GALK2: variants seen among roughly 807,000 people sequenced by gnomAD.
GALK2 encodes N-acetylgalactosamine kinase.
GALK2 carries 36 observed loss-of-function variants against 52.4 expected under a neutral mutation model. The observed-to-expected ratio is 0.69, with a 90% CI of 0.53 to 0.91. The LOEUF is 0.91. GALK2 is among the 40% of genes least tolerant of loss of function. GALK2 has a pLI of 0.00. For missense variants in GALK2, 579 were observed against 559.1 expected (o/e 1.04, Z -0.36); for synonymous variants, 176 against 199.1 (o/e 0.88, Z 0.98).
At chr15:49,279,835 A>G (rs2032436451) in intron 5 of GALK2, among the ~76,000 whole-genome samples, 1 of 152,128 alleles carries the variant, frequency 6.6e-6, no homozygotes, top group Non-Finnish European at 1.5e-5. Flanking sequence ...TTTGGTTACT[A>G]ATTTATTTTT....
intron 1 of GALK2, chr15:49,185,572 A>C (rs541252497): frequency 6.6e-6 from 1 of 152,280 alleles, no homozygotes; most frequent in East Asian, 1.9e-4. Flanking sequence ...GCTAATTTAC[A>C]TTTCCATCAA....
chr15:49,183,431 A>C (rs2086118135), intron 1 of GALK2, among the ~76,000 whole-genome samples: 1 of 152,228 alleles, frequency 6.6e-6, no homozygotes, highest in African/African-American at 2.4e-5. Context: ...CTGGTCATTC[A>C]GGAACATATT....
At chr15:49,160,133 G>A (rs2084599525) in intron 1 of GALK2, among the ~76,000 whole-genome samples, 1 of 151,948 alleles carries the variant, frequency 6.6e-6, no homozygotes, top group Middle Eastern at 3.2e-3. Context: ...AATTATCCAG[G>A]CATGGTGGCA....
chr15:49,236,093 A>C (rs2090786502), intron 4 of GALK2, 152 bp downstream of exon 4: 1 of 620,170 alleles, frequency 1.6e-6, no homozygotes, highest in Admixed American at 2.8e-5. Context: ...AGAGTGGGGA[A>C]GATATGACTG....
chr15:49,172,543 A>C (rs1043129301), intron 1 of GALK2, among the ~76,000 whole-genome samples: 10 of 152,320 alleles, frequency 6.6e-5, no homozygotes, highest in African/African-American at 2.4e-4. Flanking sequence ...GAGAAGGAAA[A>C]AAAATGAATG....
At chr15:49,184,603 C>G (rs1050724254) in intron 1 of GALK2, among the ~76,000 whole-genome samples, 1 of 152,164 alleles carries the variant, frequency 6.6e-6, no homozygotes, top group East Asian at 1.9e-4. Flanking sequence ...TTTCTAATTT[C>G]TAGCTTTTTA....
Position 49,329,293 on chromosome 15 carries a change from C to G in GALK2, c.*1134C>G. ...CTGGTGATGGCAAATGACTGGCTTTCTCTTGTGGATGGACTATAGGAAGCA... is the reference window on the plus strand; with the variant it reads ...CTGGTGATGGCAAATGACTGGCTTTGTCTTGTGGATGGACTATAGGAAGCA... On this transcript the variant is annotated 3_prime_UTR_variant, in exon 10 of 10. Transcript: ENST00000560031. 2 of 985,414 alleles carry G rather than the reference C, an allele frequency of 2.0e-6. No individual in the cohort carries two copies. The highest frequency in any genetic ancestry group is 2.4e-6 in the Non-Finnish European group (2 of 829,964). The allele number at this position is 985,414 out of a possible 1,614,324, so 61.0% of individuals were successfully genotyped here.
intron 3 of GALK2, among the ~76,000 whole-genome samples, chr15:49,338,210 G>A (rs917692547): frequency 9.9e-5 from 15 of 152,144 alleles, no homozygotes; most frequent in African/African-American, 3.4e-4. Context: ...TAATTATGTA[G>A]TTTCTTTATA....
intron 1 of GALK2, among the ~76,000 whole-genome samples, chr15:49,181,779 A>G (rs1566911071): frequency 6.6e-6 from 1 of 152,006 alleles, no homozygotes; most frequent in Non-Finnish European, 1.5e-5. Flanking sequence ...TCCTCTCCCA[A>G]ATTCCCCAAA....
chr15:49,331,548 T>C lies in GALK2; in HGVS notation c.*3389T>C. ...CTGCATTTGGAGCTTTTCAGTTACA[T>C]AAACTGTTCCTGGTCAGAAGCTGGA... On this transcript the variant is annotated 3_prime_UTR_variant, in exon 10 of 10. Coordinates refer to ENST00000560031, the MANE Select transcript of GALK2 (RefSeq NM_002044.4). The C allele has an allele frequency of 2.1e-6, 1 of 465,122 alleles. No homozygotes were observed. The highest frequency in any genetic ancestry group is 3.9e-5 in the South Asian group (1 of 25,448). The allele number at this position is 465,122 out of a possible 1,614,324, so 28.8% of individuals were successfully genotyped here.
At chr15:49,273,860 T>C (rs1258087096) in intron 5 of GALK2, among the ~76,000 whole-genome samples, 2 of 152,182 alleles carry the variant, frequency 1.3e-5, no homozygotes, top group Non-Finnish European at 2.9e-5. Context: ...TTTTACTTTA[T>C]CTAGATGAAA....
chr15:49,204,167 A>G (rs2088052395), intron 2 of GALK2, among the ~76,000 whole-genome samples: 1 of 151,248 alleles, frequency 6.6e-6, no homozygotes, highest in South Asian at 2.1e-4. Flanking sequence ...TGGGTTCTCT[A>G]TTCTGTTCTA....
intron 8 of GALK2, among the ~76,000 whole-genome samples, chr15:49,297,744 T>C (rs2034610197): frequency 6.6e-6 from 1 of 152,184 alleles, no homozygotes; most frequent in Non-Finnish European, 1.5e-5. Flanking sequence ...GCTGTAGGTG[T>C]ATGGATTTAT....
At chr15:49,342,636 T>C (rs1053476890) in intron 3 of GALK2, among the ~76,000 whole-genome samples, 3 of 152,180 alleles carry the variant, frequency 2.0e-5, no homozygotes, top group Non-Finnish European at 2.9e-5. Flanking sequence ...TGTGGCTATA[T>C]ATTCAAGGGT....
intron 3 of GALK2, among the ~76,000 whole-genome samples, chr15:49,340,406 C>G (rs2040516434): frequency 8.3e-6 from 1 of 119,842 alleles, no homozygotes; most frequent in Admixed American, 8.1e-5. Context: ...GTGCCCCGCC[C>G]CCCCCCTCCC....
intron 1 of GALK2, among the ~76,000 whole-genome samples, chr15:49,164,467 A>G (rs1214966125): frequency 6.6e-6 from 1 of 152,090 alleles, no homozygotes; most frequent in African/African-American, 2.4e-5. Flanking sequence ...TTGGTACTAT[A>G]TTTAGTTTCT....
At chr15:49,345,527 A>G (rs1263715861) in intron 3 of GALK2, among the ~76,000 whole-genome samples, 2 of 152,222 alleles carry the variant, frequency 1.3e-5, no homozygotes, top group African/African-American at 2.4e-5. Flanking sequence ...ATAAAACAGA[A>G]TACTTAGACC....
At chr15:49,261,795 C>CA (rs919591888) in intron 5 of GALK2, among the ~76,000 whole-genome samples, 3 of 152,062 alleles carry the variant, frequency 2.0e-5, no homozygotes, top group Non-Finnish European at 4.4e-5. Flanking sequence ...TGAATTTTGT[C>CA]AAAGGCTTTT....
At position 49,252,753 on chromosome 15, in the gene GALK2, T is replaced by G. The variant is rs546848040; in HGVS notation, c.504+13386T>G. 7.5e-5 allele frequency among the ~76,000 whole-genome samples: 11 copies of G among 145,736 alleles called. 1 individual carries two copies. Among genetic ancestry groups the G allele is most frequent in the African/African-American group, 2.7e-4 (11 of 40,698 alleles). ...TGATAACTTTACTTTTGAAATACACTGCCCAATCCGGAAAGATTTTACCAG... is the reference window on the plus strand; with the variant it reads ...TGATAACTTTACTTTTGAAATACACGGCCCAATCCGGAAAGATTTTACCAG... On this transcript the variant is annotated intron_variant, in intron 5 of 9. Transcript: ENST00000560031.
Sources: gnomAD v4.1 joint callset for allele counts (sites outside exome capture counted in the v4.1 genomes callset) on GRCh38, gnomAD v4.1.1 for gene constraint, MANE v1.5 for transcripts, NCBI Gene and HGNC (gene_info 2026-07-23, HGNC 2026-07-21) for gene names.